Variants in RPS6KA2 observed in about 807,000 individuals in gnomAD.
The protein encoded by RPS6KA2 is ribosomal protein S6 kinase alpha-2.
In RPS6KA2, 42 loss-of-function variants were observed where a neutral mutation model predicts 91.8. The observed-to-expected ratio is 0.46, with a 90% confidence interval of 0.36 to 0.59. The LOEUF is 0.59. RPS6KA2 is among the 20% of genes least tolerant of loss of function. The pLI, the probability that RPS6KA2 is intolerant of heterozygous loss-of-function variation, is 0.00. For missense variants in RPS6KA2, 798 were observed against 978.5 expected (o/e 0.82, Z 2.46); for synonymous variants, 414 against 393.6 (o/e 1.05, Z -0.61).
intron 2 of RPS6KA2, among the ~76,000 whole-genome samples, chr6:166,716,052 A>AGG (rs1790002643): frequency 1.0e-5 from 1 of 99,798 alleles, no homozygotes; most frequent in Non-Finnish European, 1.9e-5. Flanking sequence ...AAAAAAAAAA[A>AGG]AAAAAAAAAG....
intron 2 of RPS6KA2, among the ~76,000 whole-genome samples, chr6:166,843,494 A>G (rs1780536769): frequency 6.6e-6 from 1 of 152,034 alleles, no homozygotes; most frequent in African/African-American, 2.4e-5. Context: ...CAAAAACACA[A>G]CCAAGGACCC....
At chr6:166,861,373 G>T (rs149839086) in intron 1 of RPS6KA2, among the ~76,000 whole-genome samples, 1 of 152,284 alleles carries the variant, frequency 6.6e-6, no homozygotes, top group African/African-American at 2.4e-5. Context: ...TAATTTAGTA[G>T]ACGTTAATAA....
At chr6:166,645,773 CAGT>C (rs1406677190) in intron 2 of RPS6KA2, among the ~76,000 whole-genome samples, 1 of 152,240 alleles carries the variant, frequency 6.6e-6, no homozygotes, top group Admixed American at 6.5e-5. Flanking sequence ...ATGAATTAAA[CAGT>C]AGCATTAACT....
rs1277576329 is a variant in RPS6KA2, at chr6:166,554,183, G to A, written c.100-15399C>T. Reference sequence around the variant, plus strand: ...CAGCTTTCTGCTACTTCTTCCCACAGAGTGACATATTTTTCTTATTAGACT... The same window carrying A: ...CAGCTTTCTGCTACTTCTTCCCACAAAGTGACATATTTTTCTTATTAGACT... On this transcript the variant is annotated intron_variant, in intron 1 of 20. Transcript: ENST00000265678. This position sits in a 1 kb window ranked among gnomAD's most constrained non-coding sequence, Gnocchi z 4.3. Among the ~76,000 whole-genome samples, 3 of 152,212 alleles carry A rather than the reference G, an allele frequency of 2.0e-5. No individual in the cohort carries two copies. The highest frequency in any genetic ancestry group is 4.4e-5 in the Non-Finnish European group (3 of 68,036).
At position 166,770,072 on chromosome 6, in the gene RPS6KA2, C is replaced by T. The variant is rs776125866; in HGVS notation, c.123+88128G>A. On this transcript the variant is annotated intron_variant, in intron 2 of 21. Coordinates refer to the RPS6KA2 transcript ENST00000503859. The surrounding 1 kb of genome is among the most constrained non-coding windows in gnomAD (Gnocchi z 5.1). ...AACCAGAAACCAACTTCCAATGACC[C>T]GTTTGGCACCTACAAGGAGCAGGCC... 6.6e-6 allele frequency among the ~76,000 whole-genome samples: 1 copy of T among 152,162 alleles called. No homozygotes were observed. Among genetic ancestry groups the T allele is most frequent in the Non-Finnish European group, 1.5e-5 (1 of 68,030 alleles).
At chr6:166,637,389 G>A (rs1188565631) in intron 2 of RPS6KA2, among the ~76,000 whole-genome samples, 2 of 152,248 alleles carry the variant, frequency 1.3e-5, no homozygotes, top group Non-Finnish European at 2.9e-5. Context: ...GAGATCAGTC[G>A]AAGCCCATTC....
chr6:166,669,518 A>T (rs1788414337), intron 2 of RPS6KA2, among the ~76,000 whole-genome samples: 1 of 152,142 alleles, frequency 6.6e-6, no homozygotes, highest in African/African-American at 2.4e-5. Flanking sequence ...CTGCGTTTTC[A>T]TGATGGCTCC....
intron 1 of RPS6KA2, among the ~76,000 whole-genome samples, chr6:166,543,484 G>A (rs1783725051): frequency 6.6e-6 from 1 of 152,128 alleles, no homozygotes; most frequent in South Asian, 2.1e-4. Flanking sequence ...GCTAAATCGA[G>A]TGGCTAAATT....
intron 2 of RPS6KA2, among the ~76,000 whole-genome samples, chr6:166,724,811 CTT>C: frequency 6.6e-6 from 1 of 152,238 alleles, no homozygotes; most frequent in Admixed American, 6.5e-5. Context: ...GATTCATCAG[CTT>C]TACACAGACT....
Position 166,793,949 on chromosome 6 carries a change from G to A in RPS6KA2, c.123+64251C>T, listed in dbSNP as rs903952366. The stretch of plus-strand genomic sequence containing the variant: ...CATTCAGGACATAGGCATGGGCAAG[G>A]ACTTCATGTCCAAAACACCAAAAGC... On this transcript the variant is annotated intron_variant, in intron 2 of 21. Coordinates refer to the RPS6KA2 transcript ENST00000503859. 2.2e-3 allele frequency among the ~76,000 whole-genome samples: 325 copies of A among 146,194 alleles called. 1 individual carries two copies. Among genetic ancestry groups the A allele is most frequent in the African/African-American group, 6.8e-3 (275 of 40,342 alleles).
chr6:166,629,532 T>G (rs575676199), upstream of RPS6KA2, among the ~76,000 whole-genome samples: 27 of 152,376 alleles, frequency 1.8e-4, no homozygotes, highest in Admixed American at 3.9e-4. Flanking sequence ...TACCAAAATC[T>G]CTAGTGATCA....
At chr6:166,452,473 C>T (rs1779949210) in intron 12 of RPS6KA2, among the ~76,000 whole-genome samples, 1 of 152,006 alleles carries the variant, frequency 6.6e-6, no homozygotes, top group African/African-American at 2.4e-5. Flanking sequence ...AAAAACAATC[C>T]TAAAGTTAAC....
At chr6:166,471,979 G>A (rs753997361) in intron 10 of RPS6KA2, among the ~76,000 whole-genome samples, 12 of 152,228 alleles carry the variant, frequency 7.9e-5, no homozygotes, top group Non-Finnish European at 1.3e-4. Flanking sequence ...TTTCCAGAGC[G>A]ACAGTCTGAC....
At chr6:166,529,004 A>T (rs570994656) in intron 3 of RPS6KA2, among the ~76,000 whole-genome samples, 3 of 152,240 alleles carry the variant, frequency 2.0e-5, no homozygotes, top group East Asian at 1.9e-4. Flanking sequence ...ATTGTGGAAG[A>T]CAGTGTGGCG....
chr6:166,707,201 G>A (rs1188247404), intron 2 of RPS6KA2, among the ~76,000 whole-genome samples: 1 of 152,216 alleles, frequency 6.6e-6, no homozygotes, highest in Admixed American at 6.5e-5. Flanking sequence ...GTGCAATGCC[G>A]GGGTTGCCGG....
At position 166,493,865 on chromosome 6, in the gene RPS6KA2, TC is replaced by T. The variant is rs1781690897; in HGVS notation, c.748-3125del. ...AACAAGGAAGTGTCCAGTCCCGACCTCAACAGTGCTGGCTGAGAAGCCCTGT... is the reference window on the plus strand; with the variant it reads ...AACAAGGAAGTGTCCAGTCCCGACCTAACAGTGCTGGCTGAGAAGCCCTGT... On this transcript the variant is annotated intron_variant, in intron 8 of 20. Coordinates refer to ENST00000265678, the MANE Select transcript of RPS6KA2 (RefSeq NM_021135.6). This position sits in a 1 kb window ranked among gnomAD's most constrained non-coding sequence, Gnocchi z 4.7. Among the ~76,000 whole-genome samples, 3 of 152,068 alleles carry T rather than the reference TC, an allele frequency of 2.0e-5. No homozygotes were observed. The highest frequency in any genetic ancestry group is 4.4e-5 in the Non-Finnish European group (3 of 68,008).
At chr6:166,491,180 G>A (rs1450780337) in intron 8 of RPS6KA2, among the ~76,000 whole-genome samples, 3 of 152,182 alleles carry the variant, frequency 2.0e-5, no homozygotes, top group African/African-American at 2.4e-5. Flanking sequence ...CCTGGATGGT[G>A]GGGGCTAGAG....
rs536330072 is a variant in RPS6KA2, at chr6:166,726,003, C to G, written c.123+132197G>C. ...ATTTGAAACAGCCACGCCCCAGAAG[C>G]TGATCAGAAAAGATTGTTTTCAGGC... On this transcript the variant is annotated intron_variant, in intron 2 of 21. Transcript: ENST00000503859. This position sits in a 1 kb window ranked among gnomAD's most constrained non-coding sequence, Gnocchi z 4.4. Among the ~76,000 whole-genome samples, 154 of 152,292 alleles carry G rather than the reference C, an allele frequency of 1.0e-3. 1 individual carries two copies. Among genetic ancestry groups the G allele is most frequent in the Non-Finnish European group, 1.7e-3 (116 of 68,026 alleles).
chr6:166,427,024 T>C (rs2128443516), intron 16 of RPS6KA2, among the ~76,000 whole-genome samples: 1 of 151,940 alleles, frequency 6.6e-6, no homozygotes, highest in Non-Finnish European at 1.5e-5. Context: ...ACCAATATCC[T>C]TGATGAACAT....
Sources: allele counts gnomAD v4.1 joint callset (sites outside exome capture counted in the v4.1 genomes callset), GRCh38; gene constraint gnomAD v4.1.1; non-coding constraint Gnocchi (gnomAD v3.1); transcripts MANE v1.5; gene names NCBI Gene and HGNC (gene_info 2026-07-23, HGNC 2026-07-21).